The following MAGI2 variants were observed in gnomAD, a reference collection of about 807,000 sequenced individuals.
MAGI2 encodes the protein membrane-associated guanylate kinase, WW and PDZ domain-containing protein 2.
MAGI2 carries 35 observed loss-of-function variants against 133.3 expected under a neutral mutation model. The ratio of observed to expected loss-of-function variants is 0.26; its 90% CI spans 0.20 to 0.35. MAGI2 has a LOEUF of 0.35. MAGI2 is among the 10% of genes least tolerant of loss of function. MAGI2 has a pLI of 1.00. For synonymous variants in MAGI2, 729 were observed against 710.6 expected, an observed-to-expected ratio of 1.03 and a Z score of -0.41; for missense variants, 1,636 against 1,863.4, an observed-to-expected ratio of 0.88 and a Z score of 2.25.
chr7:78,888,917 G>C (rs1263734738), intron 2 of MAGI2, among the ~76,000 whole-genome samples: 1 of 151,892 alleles, frequency 6.6e-6, no homozygotes, highest in East Asian at 1.9e-4. Flanking sequence ...GGCTTCAGAT[G>C]ATCAAACTAC....
rs187777973 is a variant in MAGI2, at chr7:78,878,500, G to A, written c.418+128590C>T. Among the ~76,000 whole-genome samples, 3 of 152,280 alleles carry A rather than the reference G, an allele frequency of 2.0e-5. No homozygotes were observed. In the East Asian group the frequency reaches 5.8e-4, roughly 29 times the overall value. On this transcript the variant is annotated intron_variant, in intron 2 of 21. Coordinates refer to ENST00000354212, the MANE Select transcript of MAGI2 (RefSeq NM_012301.4). Reference sequence around the variant, plus strand: ...AAATTCACATTTATTGAAAATAATAGTAGTGATTTGCTTAAGACAGTCAAT... The same window carrying A: ...AAATTCACATTTATTGAAAATAATAATAGTGATTTGCTTAAGACAGTCAAT...
intron 2 of MAGI2, among the ~76,000 whole-genome samples, chr7:78,758,200 T>C (rs1824148963): frequency 6.6e-6 from 1 of 152,204 alleles, no homozygotes; most frequent in African/African-American, 2.4e-5. Context: ...AAATATTACA[T>C]AAATATGTAT....
intron 7 of MAGI2, among the ~76,000 whole-genome samples, chr7:78,356,191 A>G (rs1792061224): frequency 1.3e-5 from 2 of 152,200 alleles, no homozygotes; most frequent in African/African-American, 4.8e-5. Flanking sequence ...TTCTGTGCTA[A>G]TATTCATGAA....
intron 9 of MAGI2, among the ~76,000 whole-genome samples, chr7:78,263,222 G>A (rs10953510): frequency 0.18 from 27,521 of 152,038 alleles, 2,853 homozygotes; most frequent in East Asian, 0.29. Context: ...TCCACCATTG[G>A]TAGGCACCTA....
chr7:79,425,820 A>C (rs1585935771), intron 1 of MAGI2, among the ~76,000 whole-genome samples: 1 of 152,098 alleles, frequency 6.6e-6, no homozygotes, highest in African/African-American at 2.4e-5. Flanking sequence ...AAGACAAAGA[A>C]GCCCTTGGAT....
At chr7:78,045,951 G>A (rs1048260077) in intron 21 of MAGI2, among the ~76,000 whole-genome samples, 2 of 152,060 alleles carry the variant, frequency 1.3e-5, no homozygotes, top group Admixed American at 6.5e-5. Flanking sequence ...CATCCTTCCC[G>A]TCAATGCCAA....
intron 1 of MAGI2, among the ~76,000 whole-genome samples, chr7:79,034,551 T>C (rs767666592): frequency 6.6e-6 from 1 of 152,094 alleles, no homozygotes; most frequent in Non-Finnish European, 1.5e-5. Flanking sequence ...GGCTCAGAGG[T>C]ATAGACTCAT....
chr7:78,865,040 G>A (rs1794440713), intron 2 of MAGI2, among the ~76,000 whole-genome samples: 1 of 152,026 alleles, frequency 6.6e-6, no homozygotes, highest in Admixed American at 6.6e-5. Flanking sequence ...TGCTAATCAG[G>A]GCCTAGTGCT....
intron 2 of MAGI2, among the ~76,000 whole-genome samples, chr7:78,984,294 C>CA (rs1339501411): frequency 6.6e-6 from 1 of 151,974 alleles, no homozygotes; most frequent in Non-Finnish European, 1.5e-5. Flanking sequence ...TCTCCATACA[C>CA]AGCCAGAGTT....
intron 3 of MAGI2, among the ~76,000 whole-genome samples, chr7:78,532,733 A>G (rs1199230438): frequency 6.6e-6 from 1 of 152,244 alleles, no homozygotes; most frequent in East Asian, 1.9e-4. Context: ...ATAAGTCAGA[A>G]AAACAACAAA....
chr7:78,637,356 C>T (rs1000050103), intron 2 of MAGI2, among the ~76,000 whole-genome samples: 1 of 151,462 alleles, frequency 6.6e-6, no homozygotes, highest in Non-Finnish European at 1.5e-5. Flanking sequence ...TCTATCTATG[C>T]AACAGTATGG....
chr7:78,546,812 G>A (rs941205716), intron 3 of MAGI2, among the ~76,000 whole-genome samples: 2 of 152,146 alleles, frequency 1.3e-5, no homozygotes, highest in Admixed American at 6.5e-5. Context: ...ATGTTATAAC[G>A]TCTATAAAAC....
rs184710661 is a variant in MAGI2 at position 78,819,334 on chromosome 7, C to T, written c.418+187756G>A. ...TGACTCTTGTATGTAAATTTGTCTC[C>T]TTCATGGCTTTTGTGGTTCAGAAGT... is the stretch of plus-strand genomic sequence containing the variant. On this transcript the variant is annotated intron_variant, in intron 2 of 21. Coordinates refer to ENST00000354212, the MANE Select transcript of MAGI2 (RefSeq NM_012301.4). Among the ~76,000 whole-genome samples, 136 of 152,054 alleles carry T rather than the reference C, an allele frequency of 8.9e-4. 1 individual carries two copies. Among genetic ancestry groups the T allele is most frequent in the African/African-American group, 3.2e-3 (131 of 41,522 alleles).
At chr7:78,562,865 T>TA (rs921253847) in intron 3 of MAGI2, among the ~76,000 whole-genome samples, 2 of 152,322 alleles carry the variant, frequency 1.3e-5, no homozygotes, top group Non-Finnish European at 2.9e-5. Context: ...AGTCTTCTGC[T>TA]ACTGAATTTT....
At chr7:78,788,911 G>T (rs1057298296) in intron 2 of MAGI2, among the ~76,000 whole-genome samples, 4 of 152,036 alleles carry the variant, frequency 2.6e-5, no homozygotes, top group African/African-American at 4.8e-5. Flanking sequence ...GTAAGGTGTG[G>T]CTCGTCTGCC....
At chr7:79,293,995 G>A (rs1416791741) in intron 1 of MAGI2, among the ~76,000 whole-genome samples, 3 of 151,940 alleles carry the variant, frequency 2.0e-5, no homozygotes, top group Non-Finnish European at 2.9e-5. Flanking sequence ...CTAGCCTGGC[G>A]AACATGGTGA....
intron 9 of MAGI2, among the ~76,000 whole-genome samples, chr7:78,266,569 A>AG (rs572104811): frequency 1.1e-3 from 161 of 146,978 alleles, no homozygotes; most frequent in Middle Eastern, 6.8e-3. Flanking sequence ...GACGTAGAAG[A>AG]GGGGGAAAAA....
chr7:78,170,974 C>A (rs989432508), intron 14 of MAGI2: 1 of 152,186 alleles, frequency 6.6e-6, no homozygotes, highest in Admixed American at 6.5e-5. Flanking sequence ...TGTACAGTTA[C>A]ATTTGCTCCA....
At chr7:79,168,077 T>C (rs747591756) in intron 1 of MAGI2, among the ~76,000 whole-genome samples, 3 of 152,184 alleles carry the variant, frequency 2.0e-5, no homozygotes, top group Non-Finnish European at 4.4e-5. Flanking sequence ...GGGATACTTC[T>C]AGTTAATCGA....
Sources: allele counts gnomAD v4.1 joint callset (sites outside exome capture counted in the v4.1 genomes callset), GRCh38; gene constraint gnomAD v4.1.1; transcripts MANE v1.5; gene names NCBI Gene and HGNC (gene_info 2026-07-23, HGNC 2026-07-21).